Variants in RFX3 observed in about 807,000 individuals in gnomAD.
The protein encoded by RFX3 is transcription factor RFX3.
Under a neutral mutation model 98.6 loss-of-function variants are expected in RFX3, and 14 were observed. The observed-to-expected ratio is 0.14, with a 90% CI of 0.09 to 0.22. The LOEUF (loss-of-function observed/expected upper bound fraction) is 0.22, where lower values mean the gene tolerates loss of function less well. Ranked by LOEUF, RFX3 falls within the 10% of genes least tolerant of loss-of-function variation. RFX3 has a pLI of 1.00. For synonymous variants in RFX3, 383 were observed against 328.4 expected (o/e 1.17, Z -1.80); for missense variants, 639 against 926.9 (o/e 0.69, Z 4.03).
chr9:3,473,487 C>G (rs947287481), intron 1 of RFX3, among the ~76,000 whole-genome samples: 1 of 152,202 alleles, frequency 6.6e-6, no homozygotes, highest in African/African-American at 2.4e-5. Flanking sequence ...TAAATGGATC[C>G]AAGAAATATA....
intron 1 of RFX3, among the ~76,000 whole-genome samples, chr9:3,502,449 T>G (rs1251371335): frequency 6.6e-6 from 1 of 152,146 alleles, no homozygotes; most frequent in Admixed American, 6.6e-5. Context: ...TGCCAAAAAC[T>G]CACTTATATA....
chr9:3,376,007 A>G (rs1838441155), intron 2 of RFX3, among the ~76,000 whole-genome samples: 1 of 152,188 alleles, frequency 6.6e-6, no homozygotes, highest in Admixed American at 6.5e-5. Flanking sequence ...ACTTTAAATA[A>G]AAGTAGAAAG....
intron 1 of RFX3, among the ~76,000 whole-genome samples, chr9:3,472,004 CTGA>C (rs1848821793): frequency 6.6e-6 from 1 of 152,200 alleles, no homozygotes; most frequent in South Asian, 2.1e-4. Flanking sequence ...GCCATGTGGC[CTGA>C]TGAGGTCCTG....
At chr9:3,417,733 G>C (rs948315465) in intron 1 of RFX3, among the ~76,000 whole-genome samples, 1 of 152,042 alleles carries the variant, frequency 6.6e-6, no homozygotes, top group African/African-American at 2.4e-5. Flanking sequence ...AACAATTTCA[G>C]AATTAGGATT....
At chr9:3,256,217 A>G (rs1005605696) in intron 14 of RFX3, among the ~76,000 whole-genome samples, 15 of 151,878 alleles carry the variant, frequency 9.9e-5, no homozygotes, top group Non-Finnish European at 2.9e-5. Flanking sequence ...TGATCCGCCC[A>G]CCTCAGCCTC....
chr9:3,436,944 ATTT>A (rs199537724), intron 1 of RFX3, among the ~76,000 whole-genome samples: 4 of 151,218 alleles, frequency 2.6e-5, no homozygotes, highest in Non-Finnish European at 4.4e-5. Flanking sequence ...CTTCCTATTA[ATTT>A]TTTTAAAAAA....
intron 1 of RFX3, among the ~76,000 whole-genome samples, chr9:3,437,554 G>C (rs548975957): frequency 1.3e-5 from 2 of 152,214 alleles, no homozygotes; most frequent in East Asian, 1.9e-4. Context: ...GCAACTTCAA[G>C]CAAGGGGGAA....
chr9:3,255,362 T>C (rs1233697061), intron 14 of RFX3, among the ~76,000 whole-genome samples: 2 of 152,192 alleles, frequency 1.3e-5, no homozygotes, highest in African/African-American at 4.8e-5. Flanking sequence ...TTCATAGTCT[T>C]TCCCTCCTCA....
chr9:3,413,395 T>C (rs1373163173), intron 1 of RFX3, among the ~76,000 whole-genome samples: 1 of 152,110 alleles, frequency 6.6e-6, no homozygotes, highest in Non-Finnish European at 1.5e-5. Flanking sequence ...TATTTTCATA[T>C]GGGAGTTTAA....
chr9:3,501,874 T>A (rs1308741605), intron 1 of RFX3, among the ~76,000 whole-genome samples: 1 of 151,806 alleles, frequency 6.6e-6, no homozygotes, highest in Non-Finnish European at 1.5e-5. Flanking sequence ...ATTTTTAATA[T>A]TAAAATTTAT....
chr9:3,477,753 T>A (rs1178993841), intron 1 of RFX3, among the ~76,000 whole-genome samples: 1 of 152,178 alleles, frequency 6.6e-6, no homozygotes, highest in Non-Finnish European at 1.5e-5. Flanking sequence ...TTCTGCCTCA[T>A]TCTCATCTTC....
chr9:3,308,778 G>A (rs1019796101), intron 4 of RFX3, among the ~76,000 whole-genome samples: 39 of 152,256 alleles, frequency 2.6e-4, no homozygotes, highest in African/African-American at 9.1e-4. Flanking sequence ...GACTGTTGCT[G>A]TGAGTGAGTT....
chr9:3,357,195 C>G (rs1835880156), intron 2 of RFX3, among the ~76,000 whole-genome samples: 1 of 151,948 alleles, frequency 6.6e-6, no homozygotes, highest in Non-Finnish European at 1.5e-5. Flanking sequence ...AACCAGGACA[C>G]AAAATCATTT....
intron 13 of RFX3, among the ~76,000 whole-genome samples, chr9:3,262,018 G>A (rs912039319): frequency 7.9e-5 from 12 of 152,072 alleles, no homozygotes; most frequent in Non-Finnish European, 1.2e-4. Context: ...GGTTGTAATG[G>A]TTCTTTATAT....
chr9:3,317,333 T>C (rs1266398522), intron 4 of RFX3, among the ~76,000 whole-genome samples: 1 of 152,316 alleles, frequency 6.6e-6, no homozygotes, highest in Non-Finnish European at 1.5e-5. Flanking sequence ...AAGCTGAAAC[T>C]GGATCTCTTC....
chr9:3,324,029 T>A (rs2130788424), intron 4 of RFX3: 1 of 452,312 alleles, frequency 2.2e-6, no homozygotes, highest in African/African-American at 2.0e-5. Context: ...AATTTATGAT[T>A]TAGTGTAGGA....
At chr9:3,242,849 A>C (rs1820141583) in intron 15 of RFX3, among the ~76,000 whole-genome samples, 1 of 152,058 alleles carries the variant, frequency 6.6e-6, no homozygotes, top group African/African-American at 2.4e-5. Context: ...TTGAACACTT[A>C]AAGACTCTAC....
chr9:3,265,745 C>G (rs1448223507), intron 12 of RFX3, among the ~76,000 whole-genome samples: 1 of 151,888 alleles, frequency 6.6e-6, no homozygotes, highest in Non-Finnish European at 1.5e-5. Context: ...AGAAAAACAC[C>G]AAAACATCCT....
chr9:3,516,117 C>G (rs565477647), intron 1 of RFX3, among the ~76,000 whole-genome samples: 1 of 151,876 alleles, frequency 6.6e-6, no homozygotes, highest in South Asian at 2.1e-4. Context: ...GGCGTGATCT[C>G]GGCTCACTGC....
Sources: allele counts gnomAD v4.1 joint callset (sites outside exome capture counted in the v4.1 genomes callset), GRCh38; gene constraint gnomAD v4.1.1; transcripts MANE v1.5; gene names NCBI Gene and HGNC (gene_info 2026-07-23, HGNC 2026-07-21).